Variants in ITPR2 observed in about 807,000 individuals in gnomAD.
ITPR2 encodes inositol 1,4,5-trisphosphate receptor type 2, also known as inositol 1,4,5-trisphosphate-gated calcium channel ITPR2.
ITPR2 carries 207 observed loss-of-function variants against 317.1 expected under a neutral mutation model. The observed-to-expected ratio is 0.65, with a 90% CI of 0.58 to 0.73. The LOEUF (loss-of-function observed/expected upper bound fraction) is 0.73. Ranked by LOEUF, ITPR2 falls within the 30% of genes least tolerant of loss-of-function variation. The pLI, the probability that ITPR2 is intolerant of heterozygous loss-of-function variation, is 0.00. For missense variants in ITPR2, 2,613 were observed against 3,284.0 expected, an observed-to-expected ratio of 0.80 and a Z score of 4.99; for synonymous variants, 1,156 against 1,149.1, an observed-to-expected ratio of 1.01 and a Z score of -0.12.
chr12:26,687,052 G>A (rs911052011), intron 10 of ITPR2, among the ~76,000 whole-genome samples: 1 of 152,158 alleles, frequency 6.6e-6, no homozygotes, highest in African/African-American at 2.4e-5. Flanking sequence ...AACTCCCCAG[G>A]CATAATAATA....
At chr12:26,660,693 T>A (rs1592008304) in intron 15 of ITPR2, among the ~76,000 whole-genome samples, 1 of 152,354 alleles carries the variant, frequency 6.6e-6, no homozygotes, top group African/African-American at 2.4e-5. Flanking sequence ...TCTGTTATTA[T>A]ATCATTTTAA....
intron 10 of ITPR2, among the ~76,000 whole-genome samples, chr12:26,687,344 G>T (rs1230317514): frequency 6.6e-6 from 1 of 152,156 alleles, no homozygotes; most frequent in South Asian, 2.1e-4. Context: ...AACAAGGGAT[G>T]CAATATAAGC....
chr12:26,693,031 G>C (rs1228166804), intron 10 of ITPR2, among the ~76,000 whole-genome samples: 2 of 152,120 alleles, frequency 1.3e-5, no homozygotes, highest in Admixed American at 6.5e-5. Context: ...CTATAAAATA[G>C]GAAGCCATAT....
At chr12:26,732,555 A>G (rs1949044305) in intron 2 of ITPR2, among the ~76,000 whole-genome samples, 1 of 152,230 alleles carries the variant, frequency 6.6e-6, no homozygotes, top group South Asian at 2.1e-4. Context: ...CATTGATAAT[A>G]AAGATCACTG....
At chr12:26,561,110 T>C (rs1351630659) in intron 35 of ITPR2, among the ~76,000 whole-genome samples, 1 of 152,076 alleles carries the variant, frequency 6.6e-6, no homozygotes, top group Non-Finnish European at 1.5e-5. Flanking sequence ...GGTATCCTTA[T>C]AAGAAGAAGG....
At chr12:26,678,501 A>T (rs886969965) in intron 13 of ITPR2, among the ~76,000 whole-genome samples, 1 of 152,198 alleles carries the variant, frequency 6.6e-6, no homozygotes, top group African/African-American at 2.4e-5. Flanking sequence ...GGGGGAAAAA[A>T]GTCAGAGTTG....
intron 37 of ITPR2, among the ~76,000 whole-genome samples, chr12:26,512,960 T>A (rs1388353778): frequency 6.6e-6 from 1 of 151,890 alleles, no homozygotes; most frequent in East Asian, 1.9e-4. Flanking sequence ...TAGCTGGGAT[T>A]ACAGGTGCCC....
chr12:26,412,035 G>A (rs963680945), intron 51 of ITPR2, among the ~76,000 whole-genome samples: 2 of 152,134 alleles, frequency 1.3e-5, no homozygotes, highest in African/African-American at 4.8e-5. Flanking sequence ...ATGAAACAAC[G>A]TTTTATTTTT....
At chr12:26,342,511 G>A (rs1178841259) in intron 55 of ITPR2, among the ~76,000 whole-genome samples, 1 of 67,070 alleles carries the variant, frequency 1.5e-5, no homozygotes, top group Non-Finnish European at 3.3e-5. Context: ...GGGGGGGGGG[G>A]GGCGGGGGTC....
chr12:26,342,801 G>C (rs997279804), intron 55 of ITPR2, among the ~76,000 whole-genome samples: 1 of 151,994 alleles, frequency 6.6e-6, no homozygotes, highest in African/African-American at 2.4e-5. Flanking sequence ...TAGAGATGGG[G>C]TTTCTTCATG....
chr12:26,381,068 G>A lies in ITPR2; in HGVS notation c.7857+6366C>T, dbSNP rs138552400. Among the ~76,000 whole-genome samples the A allele has an allele frequency of 4.0e-4, 61 of 152,316 alleles. No individual in the cohort carries two copies. In the East Asian group the frequency reaches 0.011, roughly 27 times the overall value. On this transcript the variant is annotated intron_variant, in intron 55 of 56. Transcript: ENST00000381340. ...CCCCACCCCTCTGCTAGGAGAGCAG[G>A]GGAAGGCCTACTCCTGTGGGAGGGA...
chr12:26,826,924 C>T (rs147081457), intron 1 of ITPR2, among the ~76,000 whole-genome samples: 1 of 152,206 alleles, frequency 6.6e-6, no homozygotes, highest in Non-Finnish European at 1.5e-5. Context: ...AGTTGACGTA[C>T]ACAGAAATGT....
At chr12:26,718,599 G>A (rs976551327) in intron 5 of ITPR2, among the ~76,000 whole-genome samples, 16 of 149,762 alleles carry the variant, frequency 1.1e-4, no homozygotes, top group African/African-American at 3.7e-4. Context: ...ATGTGTGTGT[G>A]TATATATATA....
intron 1 of ITPR2, among the ~76,000 whole-genome samples, chr12:26,819,485 T>C (rs1020623672): frequency 2.8e-4 from 43 of 152,254 alleles, no homozygotes; most frequent in Admixed American, 1.3e-4. Flanking sequence ...CAAGGTGTCA[T>C]ATGCCCTATT....
chr12:26,393,946 T>C (rs184850477), intron 54 of ITPR2, among the ~76,000 whole-genome samples: 186 of 152,306 alleles, frequency 1.2e-3, no homozygotes, highest in African/African-American at 4.1e-3. Flanking sequence ...GGCTGACTTA[T>C]TGGATAGTCA....
rs199932579 is a variant in ITPR2 at position 26,831,679 on chromosome 12, AAT to A, written c.92+1009_92+1010del. ...CATTTGGCACACTGTTTTATATATA[AAT>A]ATATATATATATTCTACATAAAATA... On this transcript the variant is annotated intron_variant, in intron 1 of 56. Transcript: ENST00000381340. The surrounding 1 kb of genome is among the most constrained non-coding windows in gnomAD (Gnocchi z 4.9). Among the ~76,000 whole-genome samples the A allele has an allele frequency of 4.4e-5, 5 of 113,502 alleles. 1 individual carries two copies. The highest frequency in any genetic ancestry group is 1.9e-4 in the Admixed American group (2 of 10,804). 74.5% of individuals were successfully genotyped at this position (113,502 alleles called of 152,430 possible).
intron 1 of ITPR2, among the ~76,000 whole-genome samples, chr12:26,823,966 T>C (rs374343669): frequency 1.2e-4 from 18 of 152,306 alleles, no homozygotes; most frequent in East Asian, 9.6e-4. Flanking sequence ...CTTCTTAACA[T>C]GTGTCAATAG....
At chr12:26,495,941 C>G (rs963994328) in intron 37 of ITPR2, among the ~76,000 whole-genome samples, 3 of 152,190 alleles carry the variant, frequency 2.0e-5, no homozygotes, top group African/African-American at 7.2e-5. Flanking sequence ...GGGCAAAAGA[C>G]AGTGTATTCC....
intron 10 of ITPR2, among the ~76,000 whole-genome samples, chr12:26,692,402 T>C (rs904136520): frequency 2.6e-5 from 4 of 152,186 alleles, no homozygotes; most frequent in Non-Finnish European, 5.9e-5. Context: ...TGGCCCAATA[T>C]GGCCAGAAAT....
Sources: allele counts gnomAD v4.1 joint callset (sites outside exome capture counted in the v4.1 genomes callset), GRCh38; gene constraint gnomAD v4.1.1; non-coding constraint Gnocchi (gnomAD v3.1); transcripts MANE v1.5; gene names NCBI Gene and HGNC (gene_info 2026-07-23, HGNC 2026-07-21).